Variants in TAF4B observed in about 807,000 individuals in gnomAD.
TAF4B encodes the protein transcription initiation factor TFIID subunit 4B.
Under a neutral mutation model 86.4 loss-of-function variants are expected in TAF4B, and 38 were observed. The observed-to-expected ratio is 0.44, with a 90% CI of 0.34 to 0.58. The LOEUF is 0.58. TAF4B is among the 20% of genes least tolerant of loss of function. The pLI, the probability that TAF4B is intolerant of heterozygous loss-of-function variation, is 0.02. For missense variants in TAF4B, 988 were observed against 1,027.6 expected (o/e 0.96, Z 0.53); for synonymous variants, 388 against 391.2 (o/e 0.99, Z 0.10).
intron 9 of TAF4B, among the ~76,000 whole-genome samples, chr18:26,299,289 C>T (rs1338953211): frequency 1.3e-5 from 2 of 152,040 alleles, no homozygotes; most frequent in Admixed American, 1.3e-4. Flanking sequence ...GTGTTTTTGT[C>T]ATGAACTTTT....
intron 12 of TAF4B, among the ~76,000 whole-genome samples, chr18:26,331,398 C>G (rs2057049314): frequency 6.6e-6 from 1 of 152,144 alleles, no homozygotes; most frequent in South Asian, 2.1e-4. Flanking sequence ...GCCACCTTCT[C>G]TGTCTTCATT....
At chr18:26,274,124 A>G (rs1374145661) in intron 3 of TAF4B, among the ~76,000 whole-genome samples, 1 of 152,162 alleles carries the variant, frequency 6.6e-6, no homozygotes, top group Admixed American at 6.5e-5. Flanking sequence ...AACAACTGAA[A>G]TTCTTTTCAG....
intron 9 of TAF4B, among the ~76,000 whole-genome samples, chr18:26,304,083 T>C (rs564763725): frequency 6.6e-5 from 10 of 152,030 alleles, no homozygotes; most frequent in African/African-American, 7.2e-5. Context: ...CCAACAGCCT[T>C]GTTATTATTT....
At chr18:26,319,219 C>T (rs1010195199) in intron 10 of TAF4B, among the ~76,000 whole-genome samples, 2 of 144,766 alleles carry the variant, frequency 1.4e-5, no homozygotes, top group African/African-American at 5.2e-5. Context: ...AGGCCAGGAG[C>T]GGTGGCTTAC....
chr18:26,309,895 C>G (rs890683164), intron 9 of TAF4B, among the ~76,000 whole-genome samples: 1 of 152,114 alleles, frequency 6.6e-6, no homozygotes, highest in Admixed American at 6.6e-5. Flanking sequence ...GTGGCGCGAT[C>G]TCAGTTGCAA....
chr18:26,293,438 A>C lies in TAF4B; in HGVS notation c.1739A>C (p.Lys580Thr). 6.3e-7 allele frequency: 1 copy of C among 1,594,650 alleles called. No homozygotes were observed. Among genetic ancestry groups the C allele is most frequent in the Admixed American group, 1.9e-5 (1 of 54,030 alleles). Residue 580 changes from lysine (K) to threonine (T), a missense_variant, in exon 9 of 15, where the codon AAG (lysine) becomes ACG (threonine). By Grantham distance (78) the Lys-to-Thr change is moderately conservative (BLOSUM62 -1). This residue lies in a region of TAF4B where 747 missense variants were observed against 737.9 expected (regional missense o/e 1.01). Coordinates refer to ENST00000269142, the MANE Select transcript of TAF4B (RefSeq NM_005640.3). ...TTTGTTTTTATAGCTTCCATTCTAA[A>C]GCAAATTACTCTGCCTGGAAATAAA... Reference protein sequence around the residue: ...TSQFPPASILKQITLPGNKIL... With the variant: ...TSQFPPASILTQITLPGNKIL...
chr18:26,319,383 C>G (rs1040746134), intron 10 of TAF4B, among the ~76,000 whole-genome samples: 4 of 151,578 alleles, frequency 2.6e-5, no homozygotes, highest in African/African-American at 7.3e-5. Context: ...ATAAGTAATC[C>G]CAGCTACTTG....
chr18:26,312,351 T>G (rs1365929379), intron 9 of TAF4B, among the ~76,000 whole-genome samples: 4 of 152,322 alleles, frequency 2.6e-5, no homozygotes, highest in East Asian at 3.9e-4. Context: ...GCTTGGGTGC[T>G]GTTTTTTTGT....
At chr18:26,283,438 T>C (rs1034648216) in intron 6 of TAF4B, among the ~76,000 whole-genome samples, 1 of 152,126 alleles carries the variant, frequency 6.6e-6, no homozygotes, top group African/African-American at 2.4e-5. Flanking sequence ...CTTTTTTTTT[T>C]TTCTTCTGAG....
chr18:26,378,082 A>C (rs545183081), intron 14 of TAF4B, among the ~76,000 whole-genome samples: 1 of 151,948 alleles, frequency 6.6e-6, no homozygotes, highest in Non-Finnish European at 1.5e-5. Context: ...CTGTACTCCT[A>C]TGGGGCGTTT....
rs2144596564 is a variant in TAF4B, at chr18:26,286,230, G to A, written c.1321G>A (p.Val441Met). The A allele has an allele frequency of 6.2e-7, 1 of 1,614,252 alleles. No homozygotes were observed. Among genetic ancestry groups the A allele is most frequent in the African/African-American group, 1.3e-5 (1 of 75,074 alleles). ...GACTTCAAAACCACTTGTGACATCT[G>A]TGGCAAACACAGTGACCACGGTCTC... ...LQTSKPLVTS[V>M]ANTVTTVSLQ... is the part of the protein sequence containing the mutation. The change falls in exon 7 of 15, where the codon GTG becomes ATG. Residue 441 changes from valine to methionine, a missense_variant. This residue lies in a region of TAF4B where 747 missense variants were observed against 737.9 expected (regional missense o/e 1.01). Transcript: ENST00000269142.
intron 13 of TAF4B, among the ~76,000 whole-genome samples, chr18:26,346,995 A>T (rs2057204356): frequency 1.4e-5 from 2 of 142,894 alleles, no homozygotes; most frequent in African/African-American, 5.1e-5. Context: ...ATCTCGGCTC[A>T]CTGCAACCTC....
chr18:26,267,969 A>G (rs2056263451), intron 3 of TAF4B, among the ~76,000 whole-genome samples: 1 of 152,208 alleles, frequency 6.6e-6, no homozygotes, highest in South Asian at 2.1e-4. Context: ...TTTAAACTAG[A>G]TGCAGGCCCA....
chr18:26,381,305 G>A (rs2057476844), intron 14 of TAF4B, among the ~76,000 whole-genome samples: 3 of 151,960 alleles, frequency 2.0e-5, no homozygotes, highest in Admixed American at 2.0e-4. Flanking sequence ...GTGAGCCACT[G>A]TGTCTGGCCC....
At chr18:26,295,029 T>A (rs1179919727) in intron 9 of TAF4B, among the ~76,000 whole-genome samples, 2 of 149,116 alleles carry the variant, frequency 1.3e-5, no homozygotes, top group Non-Finnish European at 3.0e-5. Flanking sequence ...AAGGAAAATA[T>A]TTCCAAATTG....
chr18:26,286,613 C>A, intron 7 of TAF4B, 114 bp downstream of exon 7: 1 of 1,141,400 alleles, frequency 8.8e-7, no homozygotes, highest in Non-Finnish European at 1.2e-6. Flanking sequence ...ACGGGTTTGA[C>A]CAATTAATTT....
chr18:26,287,425 A>C (rs769881359), intron 7 of TAF4B, among the ~76,000 whole-genome samples: 11 of 152,010 alleles, frequency 7.2e-5, no homozygotes, highest in Non-Finnish European at 1.2e-4. Context: ...TTTTTTTGCT[A>C]AACTTGGTAG....
intron 14 of TAF4B, among the ~76,000 whole-genome samples, chr18:26,368,627 TCTAA>T (rs1426352372): frequency 6.6e-6 from 1 of 152,176 alleles, no homozygotes; most frequent in Non-Finnish European, 1.5e-5. Context: ...TTTATTGTCA[TCTAA>T]CTCTTTTTAT....
intron 9 of TAF4B, among the ~76,000 whole-genome samples, chr18:26,299,947 T>A (rs116528477): frequency 0.019 from 2,907 of 152,242 alleles, 81 homozygotes; most frequent in African/African-American, 0.067. Context: ...ATCCTTTTAA[T>A]GTCTATAAAA....
Sources: allele counts gnomAD v4.1 joint callset (sites outside exome capture counted in the v4.1 genomes callset), GRCh38; gene constraint gnomAD v4.1.1; regional missense constraint gnomAD v4.1.1; transcripts MANE v1.5; gene names NCBI Gene and HGNC (gene_info 2026-07-23, HGNC 2026-07-21).